The following RP2 variants were observed in gnomAD, a reference collection of about 807,000 sequenced individuals.
The protein encoded by RP2 is RP2 activator of ARL3 GTPase, also known as protein XRP2.
Under a neutral mutation model 20.3 loss-of-function variants are expected in RP2, and 3 were observed. The ratio of observed to expected loss-of-function variants is 0.15; its 90% CI spans 0.07 to 0.38. The LOEUF (loss-of-function observed/expected upper bound fraction) is 0.38. RP2 is among the 10% of genes least tolerant of loss of function. The pLI is 1.00. For missense variants in RP2, 233 were observed against 268.5 expected, an observed-to-expected ratio of 0.87 and a Z score of 0.92; for synonymous variants, 75 against 94.8, an observed-to-expected ratio of 0.79 and a Z score of 1.22.
intron 1 of RP2, among the ~76,000 whole-genome samples, chrX:46,847,824 A>G (rs192137657): frequency 1.8e-4 from 16 of 88,375 alleles, no homozygotes; most frequent in African/African-American, 5.2e-4. Flanking sequence ...ATATATGTGT[A>G]TATGTGTATA....
At chrX:46,875,456 A>T (rs1925361102) in intron 3 of RP2, among the ~76,000 whole-genome samples, 1 of 110,644 alleles carries the variant, frequency 9.0e-6, no homozygotes, top group South Asian at 3.8e-4. Context: ...AATAAGCATC[A>T]ATTTTCAGAG....
chrX:46,853,496 G>A lies in RP2; in HGVS notation c.123G>A (p.Met41Ile), dbSNP rs145720330. 24 of 1,210,339 alleles carry A rather than the reference G, an allele frequency of 2.0e-5. No homozygotes were observed. The highest frequency in any genetic ancestry group is 2.7e-5 in the Non-Finnish European group (24 of 894,623). ...QREKVDPKDYMFSGLKDETVG... is the reference protein window; with the variant it reads ...QREKVDPKDYIFSGLKDETVG... ...TGCAGGTTGATCCAAAAGACTACAT[G>A]TTCAGTGGACTGAAGGATGAAACAG... The change falls in exon 2 of 5, where the codon ATG becomes ATA. Residue 41 changes from methionine to isoleucine, a missense_variant. Transcript: ENST00000218340.
chrX:46,847,767 T>TGTGTGTGTGTATATACACAC (rs1924764369), intron 1 of RP2, among the ~76,000 whole-genome samples: 2 of 68,515 alleles, frequency 2.9e-5, no homozygotes, highest in East Asian at 7.0e-4. Flanking sequence ...TATACACACA[T>TGTGTGTGTGTATATACACAC]GTGTGTGTGT....
intron 3 of RP2, among the ~76,000 whole-genome samples, chrX:46,867,626 T>C (rs1556323158): frequency 9.0e-6 from 1 of 111,452 alleles, no homozygotes; most frequent in African/African-American, 3.3e-5. Context: ...ATTTACATTC[T>C]CTTTTTTTCT....
At chrX:46,847,779 C>CACACATGTGTGTGTGTATATAT (rs1569531400) in intron 1 of RP2, among the ~76,000 whole-genome samples, 23 of 81,985 alleles carry the variant, frequency 2.8e-4, no homozygotes, top group African/African-American at 9.3e-4. Flanking sequence ...TGTGTGTGTA[C>CACACATGTGTGTGTGTATATAT]ATACACACAT....
At chrX:46,846,821 T>A (rs1924722790) in intron 1 of RP2, among the ~76,000 whole-genome samples, 1 of 110,674 alleles carries the variant, frequency 9.0e-6, no homozygotes, top group African/African-American at 3.3e-5. Flanking sequence ...CTGCCTGGGC[T>A]CCAGCAATCT....
At chrX:46,857,927 TA>T (rs1421837180) in intron 2 of RP2, among the ~76,000 whole-genome samples, 1 of 112,326 alleles carries the variant, frequency 8.9e-6, no homozygotes, top group African/African-American at 3.2e-5. Context: ...GATGTCCATG[TA>T]ATTCTCTACA....
At chrX:46,841,372 T>C (rs180883873) in intron 1 of RP2, among the ~76,000 whole-genome samples, 137 of 112,516 alleles carry the variant, frequency 1.2e-3, no homozygotes, top group Non-Finnish European at 2.1e-3. Flanking sequence ...CTTAATGGTT[T>C]AAAATAATGG....
chrX:46,853,491 T>G lies in RP2; in HGVS notation c.118T>G (p.Tyr40Asp). 8.3e-7 allele frequency: 1 copy of G among 1,210,372 alleles called. No homozygotes were observed. Among genetic ancestry groups the G allele is most frequent in the Non-Finnish European group, 1.1e-6 (1 of 894,656 alleles). Residue 40 changes from tyrosine (Y) to aspartate (D), a missense_variant, in exon 2 of 5, where the codon TAC becomes GAC. Tyr to Asp is a radical substitution (Grantham distance 160). Around this residue, in one of 3 missense-constraint regions of RP2, gnomAD observed 77 missense variants for 71.8 expected, o/e 1.07. Transcript: ENST00000218340. ...DQREKVDPKDYMFSGLKDETV... is the reference protein window; with the variant it reads ...DQREKVDPKDDMFSGLKDETV... ...GTTCCTGCAGGTTGATCCAAAAGAC[T>G]ACATGTTCAGTGGACTGAAGGATGA... is the stretch of plus-strand genomic sequence containing the variant.
chrX:46,841,168 T>C (rs1483621398), intron 1 of RP2, among the ~76,000 whole-genome samples: 1 of 111,583 alleles, frequency 9.0e-6, no homozygotes, highest in Non-Finnish European at 1.9e-5. Flanking sequence ...CCAGGATTGG[T>C]CATCAGTGGA....
chrX:46,869,581 C>T (rs1199154639), intron 3 of RP2, among the ~76,000 whole-genome samples: 11 of 84,557 alleles, frequency 1.3e-4, no homozygotes, highest in African/African-American at 4.6e-4. Flanking sequence ...CGTGCCCGGC[C>T]GTCAGTTGTA....
At chrX:46,869,076 G>A (rs986176827) in intron 3 of RP2, among the ~76,000 whole-genome samples, 20 of 109,811 alleles carry the variant, frequency 1.8e-4, no homozygotes, top group African/African-American at 6.3e-4. Flanking sequence ...TCCAGCCTTG[G>A]GGGGAGTGAC....
At chrX:46,865,480 C>T (rs1442428850) in intron 3 of RP2, among the ~76,000 whole-genome samples, 1 of 112,139 alleles carries the variant, frequency 8.9e-6, no homozygotes, top group Non-Finnish European at 1.9e-5. Context: ...TGATATCTGC[C>T]AGATTTCTCT....
chrX:46,854,609 T>TA (rs201617766), intron 2 of RP2, among the ~76,000 whole-genome samples: 4,588 of 110,923 alleles, frequency 0.041, 224 homozygotes, highest in African/African-American at 0.14. Context: ...GAGATGAAGA[T>TA]ACATAGACAA....
chrX:46,879,280 A>C (rs1398427075), intron 4 of RP2, among the ~76,000 whole-genome samples: 5 of 109,785 alleles, frequency 4.6e-5, no homozygotes, highest in African/African-American at 1.6e-4. Context: ...ATATATCTTT[A>C]GCAGCTTTGA....
chrX:46,847,766 A>ATATG (rs1491565911), intron 1 of RP2, among the ~76,000 whole-genome samples: 1 of 60,309 alleles, frequency 1.7e-5, no homozygotes, highest in African/African-American at 8.4e-5. Flanking sequence ...ATATACACAC[A>ATATG]TGTGTGTGTG....
At chrX:46,842,001 C>T (rs1022397167) in intron 1 of RP2, among the ~76,000 whole-genome samples, 2 of 112,087 alleles carry the variant, frequency 1.8e-5, no homozygotes, top group African/African-American at 6.5e-5. Flanking sequence ...ACTGCTCCGC[C>T]TCCTGGATTC....
intron 1 of RP2, among the ~76,000 whole-genome samples, chrX:46,840,889 T>C (rs781800742): frequency 1.8e-5 from 2 of 112,698 alleles, no homozygotes; most frequent in East Asian, 2.8e-4. Flanking sequence ...TATATTTGTC[T>C]CATATTCAAT....
chrX:46,877,391 T>C, intron 3 of RP2, 114 bp from the exon 4 acceptor site: 1 of 560,733 alleles, frequency 1.8e-6, no homozygotes, highest in Non-Finnish European at 3.1e-6. Flanking sequence ...TTCCTCTTCC[T>C]TCTCTTTCAC....
Sources: allele counts gnomAD v4.1 joint callset (sites outside exome capture counted in the v4.1 genomes callset), GRCh38; gene constraint gnomAD v4.1.1; regional missense constraint gnomAD v4.1.1; transcripts MANE v1.5; gene names NCBI Gene and HGNC (gene_info 2026-07-23, HGNC 2026-07-21).